GABRB1: variants seen among roughly 807,000 people sequenced by gnomAD.
The protein encoded by GABRB1 is gamma-aminobutyric acid type A receptor subunit beta1, also known as gamma-aminobutyric acid receptor subunit beta-1.
In GABRB1, 17 loss-of-function variants were observed where a neutral mutation model predicts 51.6. The ratio of observed to expected loss-of-function variants is 0.33; its 90% CI spans 0.23 to 0.49. The LOEUF (loss-of-function observed/expected upper bound fraction) is 0.49. Ranked by LOEUF, GABRB1 falls within the 20% of genes least tolerant of loss-of-function variation. The pLI is 0.99. For synonymous variants in GABRB1, 247 were observed against 218.9 expected, an observed-to-expected ratio of 1.13 and a Z score of -1.14; for missense variants, 410 against 600.6, an observed-to-expected ratio of 0.68 and a Z score of 3.32.
intron 4 of GABRB1, among the ~76,000 whole-genome samples, chr4:47,227,655 A>T (rs1415321554): frequency 1.3e-5 from 2 of 152,122 alleles, no homozygotes. Flanking sequence ...CCAATGGTAC[A>T]CCCATGGAGA....
intron 8 of GABRB1, among the ~76,000 whole-genome samples, chr4:47,418,660 T>G (rs568422054): frequency 3.9e-5 from 6 of 152,368 alleles, no homozygotes; most frequent in African/African-American, 1.4e-4. Flanking sequence ...AAGATATTTA[T>G]TGAATGCTTC....
At chr4:47,091,055 C>A (rs1450444365) in intron 3 of GABRB1, among the ~76,000 whole-genome samples, 1 of 151,936 alleles carries the variant, frequency 6.6e-6, no homozygotes, top group Non-Finnish European at 1.5e-5. Context: ...CACCCCTTCC[C>A]CCACCCCCAG....
intron 3 of GABRB1, among the ~76,000 whole-genome samples, chr4:47,160,680 T>C (rs1292799804): frequency 1.3e-5 from 2 of 152,062 alleles, no homozygotes; most frequent in African/African-American, 4.8e-5. Flanking sequence ...AACTTTAAAA[T>C]TCAATTACAT....
chr4:47,344,651 T>G (rs1437529585), intron 5 of GABRB1, among the ~76,000 whole-genome samples: 3 of 152,168 alleles, frequency 2.0e-5, no homozygotes, highest in Non-Finnish European at 4.4e-5. Context: ...AAATCTTAAG[T>G]GTCAGTGGGG....
intron 3 of GABRB1, among the ~76,000 whole-genome samples, chr4:47,153,463 T>G (rs908880095): frequency 6.6e-6 from 1 of 152,092 alleles, no homozygotes; most frequent in Admixed American, 6.6e-5. Context: ...GAAATTGGAT[T>G]CATCATCAAA....
intron 8 of GABRB1, among the ~76,000 whole-genome samples, chr4:47,416,106 A>T (rs1254669530): frequency 6.6e-6 from 1 of 152,236 alleles, no homozygotes; most frequent in African/African-American, 2.4e-5. Context: ...GTGAATAAAC[A>T]CATGATATAA....
intron 3 of GABRB1, among the ~76,000 whole-genome samples, chr4:47,155,528 A>C (rs1354340741): frequency 2.0e-5 from 3 of 151,972 alleles, no homozygotes; most frequent in African/African-American, 7.2e-5. Context: ...TAGATGTTAA[A>C]GAAATATCCT....
At position 47,123,886 on chromosome 4, in the gene GABRB1, T is replaced by TA. The variant is rs1373546013; in HGVS notation, c.241-37362dup. 1.9e-3 allele frequency among the ~76,000 whole-genome samples: 145 copies of TA among 77,894 alleles called. 2 individuals are homozygous for TA. The highest frequency in any genetic ancestry group is 3.0e-3 in the East Asian group (10 of 3,360). 51.1% of individuals were successfully genotyped at this position (77,894 alleles called of 152,430 possible). On this transcript the variant is annotated intron_variant, in intron 3 of 8. Transcript: ENST00000295454. ...TATGATATATATCTTATATATAATA[T>TA]ATATAATATATAATATATTATATAT...
At chr4:47,421,728 C>T (rs540354806) in intron 8 of GABRB1, among the ~76,000 whole-genome samples, 1 of 152,152 alleles carries the variant, frequency 6.6e-6, no homozygotes, top group East Asian at 1.9e-4. Flanking sequence ...CTTCTGTGAC[C>T]CCCAATGATT....
At chr4:47,140,919 A>G (rs1259573120) in intron 3 of GABRB1, among the ~76,000 whole-genome samples, 1 of 151,932 alleles carries the variant, frequency 6.6e-6, no homozygotes, top group Non-Finnish European at 1.5e-5. Flanking sequence ...TATTTCTTCA[A>G]TGATTGAATA....
At chr4:47,334,079 G>A (rs1332665720) in intron 5 of GABRB1, among the ~76,000 whole-genome samples, 4 of 152,130 alleles carry the variant, frequency 2.6e-5, no homozygotes, top group African/African-American at 9.7e-5. Context: ...AGTGCTTGTC[G>A]AACATTCAGG....
At chr4:47,334,371 T>G (rs1265147868) in intron 5 of GABRB1, among the ~76,000 whole-genome samples, 1 of 152,202 alleles carries the variant, frequency 6.6e-6, no homozygotes, top group Non-Finnish European at 1.5e-5. Context: ...TTTCACACTG[T>G]TTGCTCAGCC....
At chr4:47,381,224 C>A (rs1247015882) in intron 5 of GABRB1, among the ~76,000 whole-genome samples, 1 of 152,110 alleles carries the variant, frequency 6.6e-6, no homozygotes, top group African/African-American at 2.4e-5. Flanking sequence ...TCTCCTGAGT[C>A]CTGGGCCAGC....
chr4:47,308,042 T>C (rs1339339474), intron 4 of GABRB1, among the ~76,000 whole-genome samples: 1 of 151,974 alleles, frequency 6.6e-6, no homozygotes, highest in Admixed American at 6.6e-5. Flanking sequence ...ATCTTATTTA[T>C]TAGATTCTAG....
At chr4:47,246,926 C>A (rs1186265748) in intron 4 of GABRB1, among the ~76,000 whole-genome samples, 1 of 151,910 alleles carries the variant, frequency 6.6e-6, no homozygotes, top group Non-Finnish European at 1.5e-5. Flanking sequence ...GATATTAGTC[C>A]TTTATCAGAT....
At chr4:47,095,322 C>G (rs934474583) in intron 3 of GABRB1, among the ~76,000 whole-genome samples, 2 of 151,802 alleles carry the variant, frequency 1.3e-5, no homozygotes, top group African/African-American at 4.8e-5. Context: ...CAAAACCTGG[C>G]AAGAGCAACA....
chr4:47,168,649 C>T lies in GABRB1; in HGVS notation c.461+7180C>T, dbSNP rs540836726. 2.6e-5 allele frequency among the ~76,000 whole-genome samples: 4 copies of T among 152,116 alleles called. No individual in the cohort carries two copies. The East Asian group carries it at 5.8e-4, about 22-fold the overall frequency. ...TGCCTGACTGTCTTCTTTGATGATACGAAGATTGATGAGCAGATTCAGATA... is the reference window on the plus strand; with the variant it reads ...TGCCTGACTGTCTTCTTTGATGATATGAAGATTGATGAGCAGATTCAGATA... On this transcript the variant is annotated intron_variant, in intron 4 of 8. Transcript: ENST00000295454.
chr4:47,216,404 T>C (rs1310012114), intron 4 of GABRB1, among the ~76,000 whole-genome samples: 1 of 151,958 alleles, frequency 6.6e-6, no homozygotes, highest in Admixed American at 6.6e-5. Context: ...AAAATAGTTA[T>C]CACTGATATT....
At position 47,403,602 on chromosome 4, in the gene GABRB1, C is replaced by T. The variant is rs1728473630; in HGVS notation, c.726C>T (p.Asn242=). 1.2e-6 allele frequency: 2 copies of T among 1,613,970 alleles called. No individual in the cohort carries two copies. The highest frequency in any genetic ancestry group is 2.2e-5 in the South Asian group (2 of 91,080). ...CACTAAGTTTTCGTCTAAAGAGAAA[C>T]ATTGGTTACTTCATTTTGCAAACCT... The part of the protein sequence containing the change: ...RLSLSFRLKR[N]IGYFILQTYM... Residue 242 remains asparagine (N), a synonymous_variant, in exon 7 of 9, where the codon AAC becomes AAT. Transcript: ENST00000295454.
Sources: allele counts gnomAD v4.1 joint callset (sites outside exome capture counted in the v4.1 genomes callset), GRCh38; gene constraint gnomAD v4.1.1; transcripts MANE v1.5; gene names NCBI Gene and HGNC (gene_info 2026-07-23, HGNC 2026-07-21).